The following LBP variants were observed in gnomAD, a reference collection of about 807,000 sequenced individuals.
The protein encoded by LBP is lipopolysaccharide-binding protein.
Under a neutral mutation model 56.6 loss-of-function variants are expected in LBP, and 53 were observed. The observed-to-expected ratio is 0.94, with a 90% CI of 0.75 to 1.18. LBP has a LOEUF of 1.18. Ranked by LOEUF, LBP falls within the 50% of genes most tolerant of loss-of-function variation. The pLI is 0.00. For missense variants in LBP, 601 were observed against 598.3 expected, an observed-to-expected ratio of 1.00 and a Z score of -0.05; for synonymous variants, 227 against 247.5, an observed-to-expected ratio of 0.92 and a Z score of 0.78.
chr20:38,354,321 A>G lies in LBP; in HGVS notation c.406A>G (p.Ile136Val). The G allele has an allele frequency of 6.2e-7, 1 of 1,613,858 alleles. No individual in the cohort carries two copies. The highest frequency in any genetic ancestry group is 8.5e-7 in the Non-Finnish European group (1 of 1,179,954). ...CTCCTTTGATGTCAGTGTCAAGGGC[A>G]TCAGCATTTCGGTCAACCTCCTGTT... ...QGSFDVSVKG[I>V]SISVNLLLGS... Residue 136 changes from isoleucine to valine, a missense_variant, in exon 4 of 15, where the codon ATC becomes GTC. By Grantham distance (29) the Ile-to-Val change is conservative. Transcript: ENST00000217407.
intron 5 of LBP, among the ~76,000 whole-genome samples, chr20:38,356,853 G>A (rs1344879325): frequency 1.3e-5 from 2 of 151,954 alleles, no homozygotes; most frequent in Non-Finnish European, 2.9e-5. Flanking sequence ...AGTCCCTCTG[G>A]ATCTCTCTTT....
chr20:38,349,634 G>A lies in LBP; in HGVS notation c.211G>A (p.Val71Ile), dbSNP rs142150084. The A allele has an allele frequency of 2.3e-4, 377 of 1,609,632 alleles. 1 individual carries two copies. In the African/African-American group the frequency reaches 4.2e-3, roughly 18 times the overall value. Reference sequence around the variant, plus strand: ...CACCGGGGACTTGAGGATCCCCCACGTCGGCCGTGGGCGCTATGAGTTCCA... The same window carrying A: ...CACCGGGGACTTGAGGATCCCCCACATCGGCCGTGGGCGCTATGAGTTCCA... ...DFTGDLRIPH[V>I]GRGRYEFHSL... The change falls in exon 2 of 15, where the codon GTC (valine) becomes ATC (isoleucine). Residue 71 changes from valine (V) to isoleucine (I), a missense_variant. Val to Ile is a conservative substitution (Grantham distance 29). Transcript: ENST00000217407.
At chr20:38,372,802 G>A (rs1197182074) in intron 12 of LBP, among the ~76,000 whole-genome samples, 2 of 152,136 alleles carry the variant, frequency 1.3e-5, no homozygotes, top group East Asian at 3.9e-4. Flanking sequence ...CATTCTCACT[G>A]TAAATAAAAC....
intron 5 of LBP, among the ~76,000 whole-genome samples, chr20:38,356,529 C>T (rs2076841928): frequency 6.6e-6 from 1 of 151,898 alleles, no homozygotes; most frequent in African/African-American, 2.4e-5. Context: ...AGCAGGCAAA[C>T]CCCGCATTTT....
chr20:38,349,564 A>G lies in LBP; in HGVS notation c.141A>G (p.Leu47=), dbSNP rs112681398. 4.0e-5 allele frequency: 64 copies of G among 1,607,752 alleles called. 4 individuals carry two copies. In the African/African-American group the frequency reaches 4.3e-4, roughly 11 times the overall value. The change falls in exon 2 of 15, where the codon CTA becomes CTG. Residue 47 remains leucine (L), a synonymous_variant. Transcript: ENST00000217407. ...TTTCCACAGCGGCCCAGGAGGGGCT[A>G]TTAGCTCTGCAGAGTGAGCTGCTCA... ...KGLQYAAQEG[L]LALQSELLRI... is the part of the protein sequence containing the mutation.
chr20:38,359,441 G>A (rs1443592356), intron 5 of LBP, among the ~76,000 whole-genome samples: 1 of 152,078 alleles, frequency 6.6e-6, no homozygotes, highest in African/African-American at 2.4e-5. Context: ...AATTAGCAGG[G>A]TGTGGTGGCA....
chr20:38,348,105 GA>G (rs746653413), intron 1 of LBP, among the ~76,000 whole-genome samples: 2 of 152,218 alleles, frequency 1.3e-5, no homozygotes, highest in Non-Finnish European at 2.9e-5. Flanking sequence ...GGAAAGAGGT[GA>G]AAGGGGAGGC....
At chr20:38,364,117 G>A (rs781643696) in intron 7 of LBP, 51 bp downstream of exon 7, 6 of 1,292,976 alleles carry the variant, frequency 4.6e-6, no homozygotes, top group Admixed American at 3.5e-5. Context: ...CTCAGGGTCA[G>A]CCATTCTTTG....
chr20:38,370,711 C>T, intron 10 of LBP, 27 bp from the exon 11 acceptor site: 2 of 1,604,740 alleles, frequency 1.2e-6, no homozygotes, highest in Non-Finnish European at 1.7e-6. Context: ...ATCACTTACA[C>T]CTGCTTCCTT....
intron 3 of LBP, among the ~76,000 whole-genome samples, chr20:38,353,035 G>C (rs6014804): frequency 0.19 from 28,234 of 151,964 alleles, 3,321 homozygotes; most frequent in African/African-American, 0.33. Context: ...ATTTGTTCTA[G>C]TTCCATGAAA....
chr20:38,349,588 C>G lies in LBP; in HGVS notation c.165C>G (p.Leu55=), dbSNP rs2122593363. ...TATTAGCTCTGCAGAGTGAGCTGCT[C>G]AGGATCACGCTGCCTGACTTCACCG... The part of the protein sequence containing the change: ...EGLLALQSEL[L]RITLPDFTGD... Residue 55 remains leucine, a synonymous_variant, in exon 2 of 15, where the codon CTC becomes CTG. Coordinates refer to ENST00000217407, the MANE Select transcript of LBP (RefSeq NM_004139.5). 6.2e-7 allele frequency: 1 copy of G among 1,611,546 alleles called. No individual in the cohort carries two copies. The highest frequency in any genetic ancestry group is 8.5e-7 in the Non-Finnish European group (1 of 1,179,134).
intron 3 of LBP, among the ~76,000 whole-genome samples, chr20:38,351,483 C>T (rs555624020): frequency 6.6e-6 from 1 of 152,240 alleles, no homozygotes; most frequent in Admixed American, 6.5e-5. Context: ...GGCTCTCAGG[C>T]ACTTTGAACA....
In LBP at chr20:38,360,782, C is replaced by CG; in HGVS notation, c.652+15_652+16insG. 1 of 1,585,412 alleles carries CG rather than the reference C, an allele frequency of 6.3e-7. No homozygotes were observed. The highest frequency in any genetic ancestry group is 8.7e-7 in the Non-Finnish European group (1 of 1,154,282). On this transcript the variant is annotated intron_variant, in intron 6 of 14. Coordinates refer to ENST00000217407, the MANE Select transcript of LBP (RefSeq NM_004139.5). ...AACTCTGCCAGGTAGGACACCCCATCCATCCCGGGACACTTTTATTTCTGT... is the reference window on the plus strand; with the variant it reads ...AACTCTGCCAGGTAGGACACCCCATCGCATCCCGGGACACTTTTATTTCTGT...
At chr20:38,366,392 TCA>T (rs2076882029) in intron 8 of LBP, among the ~76,000 whole-genome samples, 3 of 152,314 alleles carry the variant, frequency 2.0e-5, no homozygotes, top group Admixed American at 2.0e-4. Flanking sequence ...CGTTTAGGCC[TCA>T]CAGTGACTCG....
chr20:38,350,917 T>A lies in LBP; in HGVS notation c.346T>A (p.Trp116Arg), dbSNP rs1316366085. 1 of 1,613,948 alleles carries A rather than the reference T, an allele frequency of 6.2e-7. No homozygotes were observed. Among genetic ancestry groups the A allele is most frequent in the South Asian group, 1.1e-5 (1 of 91,062 alleles). ...CTCCTCCATCCGGGTCCAGGGCAGG[T>A]GGAAGGTGCGCAAGTCATTCTTGTA... is the stretch of plus-strand genomic sequence containing the variant. ...SDSSIRVQGR[W>R]KVRKSFFKLQ... The change falls in exon 3 of 15, where the codon TGG (tryptophan) becomes AGG (arginine). Residue 116 changes from tryptophan (W) to arginine (R), a missense_variant. Physicochemically the swap from Trp to Arg is moderately radical, Grantham distance 101. Transcript: ENST00000217407.
chr20:38,364,520 C>G, intron 7 of LBP, 56 bp from the exon 8 acceptor site: 1 of 1,545,786 alleles, frequency 6.5e-7, no homozygotes, highest in Non-Finnish European at 8.9e-7. Flanking sequence ...GAATACCTAG[C>G]CCCTGCCCCA....
chr20:38,350,354 C>CT (rs1246933558), intron 2 of LBP, among the ~76,000 whole-genome samples: 4 of 152,144 alleles, frequency 2.6e-5, no homozygotes, highest in Admixed American at 6.5e-5. Flanking sequence ...ACCTTGCTGA[C>CT]TTTTTTGGGG....
Position 38,366,764 on chromosome 20 carries a change from T to C in LBP, c.922-5T>C. On this transcript the variant is annotated splice_region_variant and splice_polypyrimidine_tract_variant and intron_variant, in intron 8 of 14. Coordinates refer to ENST00000217407, the MANE Select transcript of LBP (RefSeq NM_004139.5). ...CTAAAACTTCTTCATGTCTCTTTGC[T>C]GCAGATACCGCCTGACTCTAATATC... 6.2e-7 allele frequency: 1 copy of C among 1,614,082 alleles called. No individual in the cohort carries two copies. Among genetic ancestry groups the C allele is most frequent in the Non-Finnish European group, 8.5e-7 (1 of 1,180,002 alleles).
intron 6 of LBP, among the ~76,000 whole-genome samples, chr20:38,362,311 G>A (rs1460143799): frequency 6.9e-6 from 1 of 144,600 alleles, no homozygotes; most frequent in Non-Finnish European, 1.5e-5. Flanking sequence ...CCGCCCGCTC[G>A]GCCTCCCAAA....
Sources: gnomAD v4.1 joint callset for allele counts (sites outside exome capture counted in the v4.1 genomes callset) on GRCh38, gnomAD v4.1.1 for gene constraint, MANE v1.5 for transcripts, NCBI Gene and HGNC (gene_info 2026-07-23, HGNC 2026-07-21) for gene names.